XRN1: variants seen among roughly 807,000 people sequenced by gnomAD.
The protein encoded by XRN1 is strand-exchange protein 1 homolog.
A neutral mutation model predicts 222.3 loss-of-function variants in XRN1; 67 were observed. The ratio of observed to expected loss-of-function variants is 0.30; its 90% CI spans 0.25 to 0.37. The LOEUF (loss-of-function observed/expected upper bound fraction) is 0.37. Among genes scored for constraint, XRN1 ranks in the 10% least tolerant of loss-of-function variants. The pLI, the probability that XRN1 is intolerant of heterozygous loss-of-function variation, is 1.00. For synonymous variants in XRN1, 643 were observed against 652.4 expected (o/e 0.99, Z 0.22); for missense variants, 1,707 against 2,000.2 (o/e 0.85, Z 2.80).
At chr3:142,412,921 T>C (rs957265215) in intron 14 of XRN1, among the ~76,000 whole-genome samples, 1 of 152,224 alleles carries the variant, frequency 6.6e-6, no homozygotes, top group Admixed American at 6.5e-5. Context: ...ACTCTCAACA[T>C]TCATTTTAAA....
intron 20 of XRN1, among the ~76,000 whole-genome samples, chr3:142,385,756 T>C (rs1353196344): frequency 6.6e-6 from 1 of 152,110 alleles, no homozygotes; most frequent in Non-Finnish European, 1.5e-5. Flanking sequence ...AATAGATAGA[T>C]ATTAAAATTC....
Position 142,397,380 on chromosome 3 carries a change from C to T in XRN1, c.2288G>A (p.Gly763Glu), listed in dbSNP as rs371194962. Residue 763 changes from glycine to glutamate, a missense_variant, in exon 20 of 41, where the codon GGA (glycine) becomes GAA (glutamate). Coordinates refer to ENST00000392981, the MANE Select transcript of XRN1 (RefSeq NM_001282857.2). The stretch of plus-strand genomic sequence containing the variant: ...TGCCCAGTTAGATTGTTCTTTATCT[C>T]CAAGATGAACCACTTTAGATGGTGG... ...TAPPSKVVHL[G>E]DKEQSNWAKE... 13 of 1,608,972 alleles carry T rather than the reference C, an allele frequency of 8.1e-6. No homozygotes were observed. Among genetic ancestry groups the T allele is most frequent in the Non-Finnish European group, 1.1e-5 (13 of 1,177,202 alleles).
rs1341921171 is a variant in XRN1, at chr3:142,431,956, A to G, written c.308+705T>C. Reference sequence around the variant, plus strand: ...TATTGTATATATTATATAATATATTATATATAATATAATATATTGTATATA... The same window carrying G: ...TATTGTATATATTATATAATATATTGTATATAATATAATATATTGTATATA... On this transcript the variant is annotated intron_variant, in intron 2 of 40. Coordinates refer to ENST00000392981, the MANE Select transcript of XRN1 (RefSeq NM_001282857.2). 2.3e-4 allele frequency among the ~76,000 whole-genome samples: 23 copies of G among 97,904 alleles called. No individual in the cohort carries two copies. The South Asian group carries it at 4.1e-3, about 18-fold the overall frequency. 64.2% of individuals were successfully genotyped at this position (97,904 alleles called of 152,430 possible).
At chr3:142,328,011 A>G (rs549045893) in intron 37 of XRN1, among the ~76,000 whole-genome samples, 1 of 152,154 alleles carries the variant, frequency 6.6e-6, no homozygotes, top group African/African-American at 2.4e-5. Flanking sequence ...TCTTTTTTAA[A>G]ATGTCTGAAC....
chr3:142,397,568 CA>C, intron 19 of XRN1, 108 bp from the exon 20 acceptor site: 1 of 762,380 alleles, frequency 1.3e-6, no homozygotes, highest in Non-Finnish European at 1.9e-6. Context: ...GGTATACTAG[CA>C]AAAAACCCCA....
At chr3:142,422,054 C>T (rs1313506616) in intron 8 of XRN1, among the ~76,000 whole-genome samples, 2 of 152,078 alleles carry the variant, frequency 1.3e-5, no homozygotes, top group African/African-American at 4.8e-5. Context: ...GAATTAAAGG[C>T]AAAGATTAGA....
At position 142,420,568 on chromosome 3, in the gene XRN1, C is replaced by T. The variant is rs1049144580; in HGVS notation, c.1173+448G>A. Among the ~76,000 whole-genome samples the T allele has an allele frequency of 8.5e-5, 13 of 152,176 alleles. 1 individual carries two copies. Among genetic ancestry groups the T allele is most frequent in the East Asian group, 3.9e-4 (2 of 5,176 alleles). ...TGTTTTTTTAGTAGAGATGGGGTTTCGCCACGTTGGCCAGGCTGGTCTCAA... is the reference window on the plus strand; with the variant it reads ...TGTTTTTTTAGTAGAGATGGGGTTTTGCCACGTTGGCCAGGCTGGTCTCAA... On this transcript the variant is annotated intron_variant, in intron 10 of 40. Coordinates refer to ENST00000392981, the MANE Select transcript of XRN1 (RefSeq NM_001282857.2).
At chr3:142,363,857 T>G (rs1295105323) in intron 29 of XRN1, among the ~76,000 whole-genome samples, 4 of 152,002 alleles carry the variant, frequency 2.6e-5, no homozygotes, top group Admixed American at 6.5e-5. Context: ...TGGGATTTCT[T>G]TGACTGTATA....
chr3:142,332,651 T>C (rs2065732920), intron 35 of XRN1, 117 bp from the exon 36 acceptor site: 3 of 987,530 alleles, frequency 3.0e-6, no homozygotes, highest in Non-Finnish European at 2.8e-6. Flanking sequence ...AATTAAGACA[T>C]TAACTACATT....
intron 34 of XRN1, among the ~76,000 whole-genome samples, chr3:142,334,401 T>C (rs7620711): frequency 1.3e-5 from 2 of 152,036 alleles, no homozygotes; most frequent in East Asian, 1.9e-4. Flanking sequence ...TATTAAAATA[T>C]GATAGGCATA....
intron 33 of XRN1, among the ~76,000 whole-genome samples, chr3:142,339,264 A>C (rs2065923430): frequency 6.6e-6 from 1 of 152,122 alleles, no homozygotes; most frequent in South Asian, 2.1e-4. Context: ...GGAGAAAGTA[A>C]AGGAAGAGAA....
intron 8 of XRN1, among the ~76,000 whole-genome samples, chr3:142,421,974 G>A (rs10212482): frequency 3.3e-5 from 5 of 151,968 alleles, no homozygotes; most frequent in African/African-American, 9.7e-5. Context: ...ATATCCATTC[G>A]AAAAAAATTG....
intron 20 of XRN1, among the ~76,000 whole-genome samples, 187 bp downstream of exon 20, chr3:142,397,142 T>C (rs1200037313): frequency 6.6e-6 from 1 of 152,204 alleles, no homozygotes; most frequent in Non-Finnish European, 1.5e-5. Context: ...AGTGACAAAC[T>C]GGGCAAGGCT....
At chr3:142,432,196 ATT>A (rs1184451648) in intron 2 of XRN1, among the ~76,000 whole-genome samples, 3 of 104,446 alleles carry the variant, frequency 2.9e-5, no homozygotes, top group African/African-American at 1.0e-4. Context: ...TATAAAATTT[ATT>A]TTATATATAA....
rs142529106 is a variant in XRN1 at position 142,375,086 on chromosome 3, A to G, written c.2978+712T>C. Among the ~76,000 whole-genome samples the G allele has an allele frequency of 4.2e-3, 646 of 152,316 alleles. 12 individuals carry two copies. Among genetic ancestry groups the G allele is most frequent in the African/African-American group, 0.015 (626 of 41,558 alleles). On this transcript the variant is annotated intron_variant, in intron 25 of 40. Transcript: ENST00000392981. ...ATGCTTCCCTAGTGCCTTCAGAGGG[A>G]CCATCATTGTCCTGCAATATCTCGA... is the stretch of plus-strand genomic sequence containing the variant.
chr3:142,420,962 T>C (rs1356449176), intron 10 of XRN1, 54 bp downstream of exon 10: 2 of 1,602,088 alleles, frequency 1.2e-6, no homozygotes, highest in Non-Finnish European at 8.5e-7. Flanking sequence ...ACAAAGAATA[T>C]AATTTTTGCC....
chr3:142,404,185 T>A (rs1189170809), intron 16 of XRN1, among the ~76,000 whole-genome samples, 196 bp from the exon 17 acceptor site: 1 of 152,130 alleles, frequency 6.6e-6, no homozygotes, highest in African/African-American at 2.4e-5. Flanking sequence ...ATCATGCCTG[T>A]AGATTACTAA....
intron 31 of XRN1, among the ~76,000 whole-genome samples, chr3:142,355,802 G>A (rs62276408): frequency 2.1e-4 from 32 of 151,926 alleles, no homozygotes; most frequent in African/African-American, 6.8e-4. Flanking sequence ...CTAGGGATGG[G>A]TTGCCATGTT....
chr3:142,447,789 G>C lies in XRN1; in HGVS notation c.75+81C>G. 1 of 1,511,362 alleles carries C rather than the reference G, an allele frequency of 6.6e-7. No homozygotes were observed. Among genetic ancestry groups the C allele is most frequent in the Non-Finnish European group, 9.1e-7 (1 of 1,103,814 alleles). The allele number at this position is 1,511,362 out of a possible 1,614,324, so 93.6% of individuals were successfully genotyped here. ...GACGACGAGGGGAAAGAGGTGGCTCGAAAGCCCCAGCTCTAAGGTGGAGAG... is the reference window on the plus strand; with the variant it reads ...GACGACGAGGGGAAAGAGGTGGCTCCAAAGCCCCAGCTCTAAGGTGGAGAG... On this transcript the variant is annotated intron_variant, in intron 1 of 40. Coordinates refer to ENST00000392981, the MANE Select transcript of XRN1 (RefSeq NM_001282857.2). This position sits in a 1 kb window ranked among gnomAD's most constrained non-coding sequence, Gnocchi z 4.2.
Sources: allele counts gnomAD v4.1 joint callset (sites outside exome capture counted in the v4.1 genomes callset), GRCh38; gene constraint gnomAD v4.1.1; non-coding constraint Gnocchi (gnomAD v3.1); transcripts MANE v1.5; gene names NCBI Gene and HGNC (gene_info 2026-07-23, HGNC 2026-07-21).